The following RANBP2 variants were observed in gnomAD, a reference collection of about 807,000 sequenced individuals.
RANBP2 encodes the protein E3 SUMO-protein ligase RanBP2.
RANBP2 carries 57 observed loss-of-function variants against 303.6 expected under a neutral mutation model. That is an observed-to-expected ratio of 0.19 (90% confidence interval 0.15 to 0.23). RANBP2 has a LOEUF of 0.23. Ranked by LOEUF, RANBP2 falls within the 10% of genes least tolerant of loss-of-function variation. The pLI is 1.00. For synonymous variants in RANBP2, 1,167 were observed against 1,301.5 expected, an observed-to-expected ratio of 0.90 and a Z score of 2.23; for missense variants, 3,138 against 3,780.8, an observed-to-expected ratio of 0.83 and a Z score of 4.46.
the RANBP2 span, among the ~76,000 whole-genome samples, chr2:109,307,375 C>T: frequency 4.6e-5 from 7 of 151,786 alleles, no homozygotes; most frequent in Middle Eastern, 3.5e-3. Flanking sequence ...GCAAGCAGAA[C>T]GCTGCATCCA....
At chr2:109,083,156 T>G in the RANBP2 span, among the ~76,000 whole-genome samples, 1 of 152,044 alleles carries the variant, frequency 6.6e-6, no homozygotes, top group African/African-American at 2.4e-5. Context: ...AAATTACCAT[T>G]TAAACCATTT....
chr2:109,360,939 C>T, the RANBP2 span, among the ~76,000 whole-genome samples: 2,755 of 152,262 alleles, frequency 0.018, 80 homozygotes, highest in African/African-American at 0.057. Flanking sequence ...TTAAGTTTCT[C>T]GTAATTAGGT....
chr2:109,115,128 T>A, the RANBP2 span, among the ~76,000 whole-genome samples: 1 of 152,206 alleles, frequency 6.6e-6, no homozygotes, highest in Non-Finnish European at 1.5e-5. Flanking sequence ...GGGTGGAGAC[T>A]GTAGATGTCT....
the RANBP2 span, among the ~76,000 whole-genome samples, chr2:108,892,002 G>A: frequency 6.6e-6 from 1 of 152,166 alleles, no homozygotes; most frequent in Admixed American, 6.5e-5. Flanking sequence ...AGGGGGCAAA[G>A]CTGGGCTGTG....
the RANBP2 span, among the ~76,000 whole-genome samples, chr2:109,437,776 G>T: frequency 6.6e-6 from 1 of 152,204 alleles, no homozygotes; most frequent in East Asian, 1.9e-4. Context: ...AAATTATGGG[G>T]TGGGCCTTAA....
At chr2:108,775,267 C>G (rs1409483150) in intron 23 of RANBP2, among the ~76,000 whole-genome samples, 1 of 152,008 alleles carries the variant, frequency 6.6e-6, no homozygotes, top group Admixed American at 6.6e-5. Flanking sequence ...TAGTTTAATT[C>G]CTTTATGGTT....
chr2:109,134,717 T>TTAC, the RANBP2 span, among the ~76,000 whole-genome samples: 3 of 152,158 alleles, frequency 2.0e-5, no homozygotes, highest in African/African-American at 7.2e-5. Context: ...AAGAGTCCTC[T>TTAC]TACTCTACCA....
the RANBP2 span, among the ~76,000 whole-genome samples, chr2:108,935,403 C>A: frequency 6.6e-6 from 1 of 152,168 alleles, no homozygotes; most frequent in Non-Finnish European, 1.5e-5. Flanking sequence ...CCCGCCCAGA[C>A]CTGCTGTCTG....
the RANBP2 span, among the ~76,000 whole-genome samples, chr2:109,327,545 A>G: frequency 6.6e-6 from 1 of 152,248 alleles, no homozygotes; most frequent in Non-Finnish European, 1.5e-5. Flanking sequence ...TTGGAAATGC[A>G]TTTGAACTAT....
the RANBP2 span, among the ~76,000 whole-genome samples, chr2:108,991,154 A>T: frequency 6.6e-6 from 1 of 152,244 alleles, no homozygotes; most frequent in Non-Finnish European, 1.5e-5. Context: ...CTTTGAAAAA[A>T]ATCCAAACAT....
the RANBP2 span, among the ~76,000 whole-genome samples, chr2:109,156,312 C>G: frequency 2.0e-5 from 3 of 152,198 alleles, no homozygotes; most frequent in East Asian, 1.9e-4. Context: ...CTCCGCCCCT[C>G]GCATCTTCCC....
At chr2:109,139,248 G>T in the RANBP2 span, among the ~76,000 whole-genome samples, 7 of 152,168 alleles carry the variant, frequency 4.6e-5, no homozygotes, top group Non-Finnish European at 1.0e-4. Flanking sequence ...TGCGTGCAGA[G>T]CATCAAGAAT....
At chr2:109,323,658 C>T in the RANBP2 span, among the ~76,000 whole-genome samples, 1,154 of 152,290 alleles carry the variant, frequency 7.6e-3, 21 homozygotes, top group African/African-American at 0.026. Context: ...GCTGTGTGTC[C>T]GCCAAGCTCC....
the RANBP2 span, among the ~76,000 whole-genome samples, chr2:109,013,584 C>G: frequency 6.6e-6 from 1 of 151,830 alleles, no homozygotes; most frequent in African/African-American, 2.4e-5. Flanking sequence ...GCAAGGCAAT[C>G]TCTTTCCAAT....
At chr2:109,085,367 A>G in the RANBP2 span, among the ~76,000 whole-genome samples, 2 of 152,138 alleles carry the variant, frequency 1.3e-5, no homozygotes, top group Admixed American at 6.5e-5. Flanking sequence ...GCAGTGGCGC[A>G]ATCTCGGCTC....
At chr2:109,280,162 C>CTGA in the RANBP2 span, among the ~76,000 whole-genome samples, 1 of 152,146 alleles carries the variant, frequency 6.6e-6, no homozygotes, top group Non-Finnish European at 1.5e-5. Flanking sequence ...TCATAAAGAG[C>CTGA]TGACATCTAT....
At chr2:109,763,446 C>T in the RANBP2 span, among the ~76,000 whole-genome samples, 1 of 150,114 alleles carries the variant, frequency 6.7e-6, no homozygotes, top group Non-Finnish European at 1.5e-5. Flanking sequence ...GACTTCAAAT[C>T]CAGTCAGACA....
At chr2:109,712,387 G>A in the RANBP2 span, among the ~76,000 whole-genome samples, 2 of 151,910 alleles carry the variant, frequency 1.3e-5, no homozygotes, top group African/African-American at 2.4e-5. Context: ...ATGGGTCCTG[G>A]GCATTTTTGC....
chr2:108,906,422 G>C, the RANBP2 span: 7 of 1,596,184 alleles, frequency 4.4e-6, no homozygotes, highest in East Asian at 1.6e-4. Flanking sequence ...CAGTAGAAAG[G>C]AGGCAAATCC....
Sources: gnomAD v4.1 joint callset for allele counts (sites outside exome capture counted in the v4.1 genomes callset) on GRCh38, gnomAD v4.1.1 for gene constraint, MANE v1.5 for transcripts, NCBI Gene and HGNC (gene_info 2026-07-23, HGNC 2026-07-21) for gene names.